PCDH7: variants seen among roughly 807,000 people sequenced by gnomAD.
PCDH7 encodes protocadherin-7.
A neutral mutation model predicts 58.9 loss-of-function variants in PCDH7; 17 were observed. That is an observed-to-expected ratio of 0.29 (90% CI 0.20 to 0.43). The LOEUF (loss-of-function observed/expected upper bound fraction) is 0.43, where lower values mean the gene tolerates loss of function less well. PCDH7 is among the 20% of genes least tolerant of loss of function. The pLI is 1.00. For synonymous variants in PCDH7, 664 were observed against 616.4 expected (o/e 1.08, Z -1.14); for missense variants, 1,274 against 1,441.0 (o/e 0.88, Z 1.88).
chr4:30,940,771 A>G (rs1386356168), intron 2 of PCDH7, among the ~76,000 whole-genome samples: 1 of 152,046 alleles, frequency 6.6e-6, no homozygotes, highest in Non-Finnish European at 1.5e-5. Flanking sequence ...TAGTTAACCA[A>G]TTCAGGCAGC....
At chr4:31,117,661 T>A (rs1236779399) in intron 3 of PCDH7, among the ~76,000 whole-genome samples, 3 of 152,218 alleles carry the variant, frequency 2.0e-5, no homozygotes, top group Admixed American at 1.3e-4. Flanking sequence ...TAAGACTACA[T>A]TTGTTCCTTG....
intron 3 of PCDH7, among the ~76,000 whole-genome samples, chr4:31,097,625 TATATATATATA>T (rs1714284131): frequency 2.4e-5 from 1 of 41,372 alleles, no homozygotes; most frequent in African/African-American, 2.1e-4. Flanking sequence ...TATATATATA[TATATATATATA>T]TAAATCTTTT....
At chr4:30,887,077 A>G (rs1560468981) in intron 1 of PCDH7, among the ~76,000 whole-genome samples, 1 of 151,628 alleles carries the variant, frequency 6.6e-6, no homozygotes, top group Admixed American at 6.6e-5. Context: ...ACATGTATAC[A>G]TATGTAACTA....
In PCDH7 at chr4:30,911,331, C is replaced by A. The variant is rs866637219; in HGVS notation, c.71-8822C>A. ...TTAAAAAAAAAATCACCCCCCCCCC[C>A]AAAAAAAAGAACTACTAGAACATAG... On this transcript the variant is annotated intron_variant, in intron 1 of 3. Transcript: ENST00000509759. Among the ~76,000 whole-genome samples the A allele has an allele frequency of 6.4e-3, 605 of 94,066 alleles. 6 individuals carry two copies. Among genetic ancestry groups the A allele is most frequent in the African/African-American group, 0.023 (481 of 21,274 alleles). 61.7% of individuals were successfully genotyped at this position (94,066 alleles called of 152,430 possible). A position where few individuals can be genotyped will look rare whatever the true frequency, so the allele number is the denominator to read the frequency against.
At chr4:30,862,196 G>A (rs551100006) in intron 1 of PCDH7, among the ~76,000 whole-genome samples, 1 of 152,154 alleles carries the variant, frequency 6.6e-6, no homozygotes, top group Non-Finnish European at 1.5e-5. Flanking sequence ...ATAAGGTGTT[G>A]ATAATGATTA....
chr4:30,811,397 A>T (rs190748737), intron 1 of PCDH7, among the ~76,000 whole-genome samples: 1 of 151,994 alleles, frequency 6.6e-6, no homozygotes, highest in East Asian at 1.9e-4. Flanking sequence ...AATTACCTAT[A>T]AAAAAAAGGA....
chr4:31,143,552 T>G (rs553443595), downstream of PCDH7: 1 of 152,306 alleles, frequency 6.6e-6, no homozygotes, highest in South Asian at 2.1e-4. Context: ...TTCCATACAT[T>G]CACCAAATAT....
chr4:30,743,727 TAC>T (rs112207547), intron 1 of PCDH7, among the ~76,000 whole-genome samples: 32 of 148,700 alleles, frequency 2.2e-4, no homozygotes, highest in African/African-American at 2.5e-4. Flanking sequence ...CTCTCATACA[TAC>T]ACACACACAC....
At chr4:30,776,087 T>TGG (rs1722034190) in intron 1 of PCDH7, among the ~76,000 whole-genome samples, 1 of 152,174 alleles carries the variant, frequency 6.6e-6, no homozygotes, top group East Asian at 1.9e-4. Context: ...TCCTCTGGAT[T>TGG]TGTTCTTTTA....
intron 1 of PCDH7, among the ~76,000 whole-genome samples, chr4:30,879,310 G>A (rs1170897750): frequency 6.6e-6 from 1 of 150,934 alleles, no homozygotes; most frequent in Non-Finnish European, 1.5e-5. Context: ...ACAATTATCT[G>A]ATTCTTATTT....
At chr4:31,120,441 C>T (rs76335551) in intron 3 of PCDH7, among the ~76,000 whole-genome samples, 127 of 107,734 alleles carry the variant, frequency 1.2e-3, no homozygotes, top group South Asian at 1.9e-3. Flanking sequence ...CTATTTTTTT[C>T]TTTTTTTTTT....
intron 1 of PCDH7, among the ~76,000 whole-genome samples, chr4:30,747,795 G>A (rs1017191945): frequency 2.0e-5 from 3 of 152,166 alleles, no homozygotes; most frequent in African/African-American, 7.2e-5. Flanking sequence ...CTTAGGGATC[G>A]ATTGTTTTGC....
At chr4:30,757,945 C>CGG (rs1719532525) in intron 1 of PCDH7, among the ~76,000 whole-genome samples, 1 of 151,754 alleles carries the variant, frequency 6.6e-6, no homozygotes, top group Admixed American at 6.5e-5. Context: ...GGTGTTAGGA[C>CGG]GGGAAAGAAC....
At chr4:31,140,905 A>G (rs1720173450) in intron 3 of PCDH7, among the ~76,000 whole-genome samples, 1 of 152,320 alleles carries the variant, frequency 6.6e-6, no homozygotes, top group Non-Finnish European at 1.5e-5. Flanking sequence ...CATTTTACCT[A>G]CAGGAAAGGG....
At chr4:30,929,468 G>C (rs1744289238) in intron 2 of PCDH7, among the ~76,000 whole-genome samples, 1 of 152,016 alleles carries the variant, frequency 6.6e-6, no homozygotes. Flanking sequence ...AAATATAATT[G>C]TAAGTTCGTT....
intron 3 of PCDH7, among the ~76,000 whole-genome samples, chr4:31,043,873 A>G (rs1333639817): frequency 6.6e-6 from 1 of 152,170 alleles, no homozygotes; most frequent in African/African-American, 2.4e-5. Flanking sequence ...AAAGGAGATC[A>G]CTGTAAGCCT....
chr4:30,784,115 G>T (rs1723120435), intron 1 of PCDH7, among the ~76,000 whole-genome samples: 1 of 152,136 alleles, frequency 6.6e-6, no homozygotes, highest in Admixed American at 6.5e-5. Flanking sequence ...CTCAGTGTCT[G>T]TGATCTGAAA....
chr4:30,962,435 G>C (rs1384147572), intron 3 of PCDH7, among the ~76,000 whole-genome samples: 1 of 152,070 alleles, frequency 6.6e-6, no homozygotes, highest in Non-Finnish European at 1.5e-5. Flanking sequence ...GTGTATGCAT[G>C]CAATAAAGTA....
intron 1 of PCDH7, among the ~76,000 whole-genome samples, chr4:30,855,005 G>A (rs891666568): frequency 2.0e-5 from 3 of 152,064 alleles, no homozygotes; most frequent in African/African-American, 4.8e-5. Context: ...TAGCAATTAC[G>A]TTGGCTCAAG....
Sources: allele counts gnomAD v4.1 joint callset (sites outside exome capture counted in the v4.1 genomes callset), GRCh38; gene constraint gnomAD v4.1.1; transcripts MANE v1.5; gene names NCBI Gene and HGNC (gene_info 2026-07-23, HGNC 2026-07-21).